The following ASTN2 variants were observed in gnomAD, a reference collection of about 807,000 sequenced individuals.
ASTN2 encodes astrotactin-2.
A neutral mutation model predicts 139.8 loss-of-function variants in ASTN2; 54 were observed. That is an observed-to-expected ratio of 0.39 (90% confidence interval 0.31 to 0.48). The LOEUF (loss-of-function observed/expected upper bound fraction) is 0.48, where lower values mean the gene tolerates loss of function less well. Ranked by LOEUF, ASTN2 falls within the 20% of genes least tolerant of loss-of-function variation. ASTN2 has a pLI of 0.95. For synonymous variants in ASTN2, 756 were observed against 719.5 expected (o/e 1.05, Z -0.81); for missense variants, 1,565 against 1,725.1 (o/e 0.91, Z 1.64).
At chr9:116,809,979 T>G (rs1365795593) in intron 12 of ASTN2, among the ~76,000 whole-genome samples, 1 of 152,186 alleles carries the variant, frequency 6.6e-6, no homozygotes, top group African/African-American at 2.4e-5. Context: ...TCAAGCTGCC[T>G]CTTCCCTTGT....
At chr9:116,426,833 C>T (rs1342059449) in intron 22 of ASTN2, among the ~76,000 whole-genome samples, 1 of 152,054 alleles carries the variant, frequency 6.6e-6, no homozygotes, top group Non-Finnish European at 1.5e-5. Context: ...ATGGTCTTAT[C>T]CTCAAGTTAA....
At chr9:117,006,721 C>A (rs1360516006) in intron 7 of ASTN2, among the ~76,000 whole-genome samples, 2 of 152,116 alleles carry the variant, frequency 1.3e-5, no homozygotes, top group African/African-American at 4.8e-5. Flanking sequence ...GTATACAAGG[C>A]CCTGAGGACC....
At chr9:117,246,007 G>A (rs991945184) in intron 2 of ASTN2, among the ~76,000 whole-genome samples, 4 of 152,118 alleles carry the variant, frequency 2.6e-5, no homozygotes, top group Non-Finnish European at 4.4e-5. Context: ...CAAAGACCAC[G>A]TCTACTTGCT....
At chr9:117,347,734 G>A (rs1459128642) in intron 1 of ASTN2, among the ~76,000 whole-genome samples, 2 of 152,064 alleles carry the variant, frequency 1.3e-5, no homozygotes, top group African/African-American at 4.8e-5. Context: ...AGAAAGCAGC[G>A]GATTCTCAAG....
chr9:117,210,604 C>T (rs1463838476), intron 3 of ASTN2, among the ~76,000 whole-genome samples: 1 of 152,130 alleles, frequency 6.6e-6, no homozygotes, highest in Non-Finnish European at 1.5e-5. Flanking sequence ...CAGATGGCTT[C>T]ACCACTCAAT....
chr9:116,925,120 CT>C (rs1834718244), intron 10 of ASTN2, among the ~76,000 whole-genome samples: 1 of 152,122 alleles, frequency 6.6e-6, no homozygotes, highest in Admixed American at 6.6e-5. Context: ...CCCATATTTG[CT>C]TTCTTAATAT....
rs572329135 is a variant in ASTN2, at chr9:116,512,695, G to A, written c.3356-25195C>T. The stretch of plus-strand genomic sequence containing the variant: ...ATGAATCTGGGTGCTCCTATATTGG[G>A]TGCATGTATATTTAGGACAGTTAGC... On this transcript the variant is annotated intron_variant, in intron 19 of 22. Transcript: ENST00000313400. 5.0e-4 allele frequency among the ~76,000 whole-genome samples: 76 copies of A among 152,268 alleles called. 1 individual carries two copies. In the South Asian group the frequency reaches 0.016, roughly 31 times the overall value.
intron 19 of ASTN2, among the ~76,000 whole-genome samples, chr9:116,519,693 T>C (rs183687718): frequency 6.0e-4 from 90 of 150,950 alleles, no homozygotes; most frequent in South Asian, 5.6e-3. Flanking sequence ...AACAAGAAAA[T>C]ACGAAAGATA....
At chr9:116,930,407 T>C (rs952673671) in intron 10 of ASTN2, among the ~76,000 whole-genome samples, 2 of 152,102 alleles carry the variant, frequency 1.3e-5, no homozygotes, top group African/African-American at 4.8e-5. Context: ...TATGCTGGTG[T>C]GGACTGAGAG....
intron 17 of ASTN2, among the ~76,000 whole-genome samples, chr9:116,645,875 G>C (rs1588135535): frequency 6.6e-6 from 1 of 152,268 alleles, no homozygotes; most frequent in East Asian, 1.9e-4. Context: ...TTAGGTACCA[G>C]CAAAGTTTTC....
intron 3 of ASTN2, among the ~76,000 whole-genome samples, chr9:117,191,836 C>A (rs1044878586): frequency 6.6e-6 from 1 of 152,104 alleles, no homozygotes; most frequent in Admixed American, 6.5e-5. Context: ...TACTGCCTTG[C>A]CAGCCACAGT....
intron 13 of ASTN2, among the ~76,000 whole-genome samples, chr9:116,790,310 G>A (rs2132220573): frequency 6.6e-6 from 1 of 152,234 alleles, no homozygotes; most frequent in East Asian, 1.9e-4. Flanking sequence ...ACTTCATGGT[G>A]AGAAAACTGA....
chr9:117,346,009 G>T (rs1277633387), intron 1 of ASTN2, among the ~76,000 whole-genome samples: 1 of 58,672 alleles, frequency 1.7e-5, no homozygotes, highest in Non-Finnish European at 3.4e-5. Context: ...GAACTAAGAG[G>T]CAAAAAAAAA....
intron 2 of ASTN2, among the ~76,000 whole-genome samples, chr9:117,245,144 G>T (rs1368835926): frequency 6.6e-6 from 1 of 152,088 alleles, no homozygotes; most frequent in Non-Finnish European, 1.5e-5. Context: ...AAATCCACAG[G>T]CCAGGGCATG....
At chr9:117,007,556 C>G (rs1837393297) in intron 7 of ASTN2, among the ~76,000 whole-genome samples, 1 of 152,170 alleles carries the variant, frequency 6.6e-6, no homozygotes, top group African/African-American at 2.4e-5. Context: ...ACCCCACTAG[C>G]ATGTAAGCTT....
intron 16 of ASTN2, among the ~76,000 whole-genome samples, chr9:116,723,490 A>G (rs1361322856): frequency 1.3e-5 from 2 of 151,914 alleles, no homozygotes; most frequent in African/African-American, 4.8e-5. Context: ...TCCTCCTCTC[A>G]CAAGTTCTGC....
chr9:116,853,249 A>G (rs1239139468), intron 11 of ASTN2, among the ~76,000 whole-genome samples: 1 of 152,086 alleles, frequency 6.6e-6, no homozygotes, highest in Non-Finnish European at 1.5e-5. Context: ...ATTTTATTTT[A>G]TAATGAGAAT....
intron 7 of ASTN2, among the ~76,000 whole-genome samples, chr9:116,986,164 C>CCG (rs1359985762): frequency 8.0e-6 from 1 of 124,298 alleles, no homozygotes; most frequent in African/African-American, 3.2e-5. Flanking sequence ...CAGGCTGCCC[C>CCG]CCCCCACCCC....
chr9:117,412,846 G>T (rs1035348677), intron 1 of ASTN2, among the ~76,000 whole-genome samples: 4 of 152,228 alleles, frequency 2.6e-5, no homozygotes, highest in African/African-American at 9.6e-5. Context: ...CTGTGAGCCT[G>T]AGGTTAGTCC....
Sources: gnomAD v4.1 joint callset for allele counts (sites outside exome capture counted in the v4.1 genomes callset) on GRCh38, gnomAD v4.1.1 for gene constraint, MANE v1.5 for transcripts, NCBI Gene and HGNC (gene_info 2026-07-23, HGNC 2026-07-21) for gene names.